The following BRWD1 variants were observed in gnomAD, a reference collection of about 807,000 sequenced individuals.
BRWD1 encodes the protein bromodomain and WD repeat domain containing 1.
BRWD1 carries 82 observed loss-of-function variants against 251.2 expected under a neutral mutation model. The ratio of observed to expected loss-of-function variants is 0.33; its 90% confidence interval spans 0.27 to 0.39. The LOEUF (loss-of-function observed/expected upper bound fraction) is 0.39, where lower values mean the gene tolerates loss of function less well. BRWD1 is among the 10% of genes least tolerant of loss of function. The probability of loss-of-function intolerance (pLI) is 1.00; values close to 1 mark genes in which losing one functional copy is unlikely to be tolerated. For missense variants in BRWD1, 2,233 were observed against 2,711.6 expected (o/e 0.82, Z 3.92); for synonymous variants, 918 against 902.8 (o/e 1.02, Z -0.30).
rs951501394 is a variant in BRWD1 at position 39,193,324 on chromosome 21, G to C, written c.*2935C>G. 1.0e-6 allele frequency: 1 copy of C among 985,108 alleles called. No individual in the cohort carries two copies. The highest frequency in any genetic ancestry group is 1.7e-5 in the African/African-American group (1 of 57,326). 61.0% of individuals were successfully genotyped at this position (985,108 alleles called of 1,614,324 possible). ...ATCAGATATTTGCCACTTACAAAAA[G>C]GGAGGCTGACCTTAGGAATTATTTG... On this transcript the variant is annotated 3_prime_UTR_variant, in exon 41 of 41. Coordinates refer to ENST00000342449, the MANE Select transcript of BRWD1 (RefSeq NM_033656.4).
chr21:39,230,184 T>C (rs751269160), intron 25 of BRWD1, among the ~76,000 whole-genome samples: 5 of 152,244 alleles, frequency 3.3e-5, no homozygotes, highest in African/African-American at 1.2e-4. Context: ...ATCTACCATA[T>C]GCTATGACCT....
At chr21:39,286,749 C>A (rs1335027569) in intron 8 of BRWD1, among the ~76,000 whole-genome samples, 1 of 151,916 alleles carries the variant, frequency 6.6e-6, no homozygotes, top group African/African-American at 2.4e-5. Context: ...CTCCTGACCT[C>A]GTGATCCGCC....
intron 15 of BRWD1, among the ~76,000 whole-genome samples, chr21:39,265,794 T>C (rs1046796146): frequency 6.6e-6 from 1 of 152,208 alleles, no homozygotes; most frequent in African/African-American, 2.4e-5. Context: ...CATGCAAAAT[T>C]TGGCAATGCT....
chr21:39,241,847 T>A (rs552566807), intron 21 of BRWD1, among the ~76,000 whole-genome samples: 1 of 152,346 alleles, frequency 6.6e-6, no homozygotes, highest in Admixed American at 6.5e-5. Context: ...TCAAACTTTT[T>A]CATTTTTATT....
intron 4 of BRWD1, 63 bp downstream of exon 4, chr21:39,312,778 G>C: frequency 1.4e-6 from 2 of 1,406,784 alleles, no homozygotes; most frequent in Admixed American, 2.0e-5. Context: ...CCCGCGAGGG[G>C]AAGGGGCGGG....
rs1309723150 is a variant in BRWD1 at position 39,292,140 on chromosome 21, G to GGGT, written c.831+1670_831+1671insACC. On this transcript the variant is annotated intron_variant, in intron 8 of 40. Coordinates refer to ENST00000342449, the MANE Select transcript of BRWD1 (RefSeq NM_033656.4). Reference sequence around the variant, plus strand: ...TGGGGGGTGGGTGGGGGTGGGGGGGGGGGTCTCACTAAGTTGCCCAGGCCG... The same window carrying GGGT: ...TGGGGGGTGGGTGGGGGTGGGGGGGGGGTGGGTCTCACTAAGTTGCCCAGGCCG... Among the ~76,000 whole-genome samples, 319 of 93,246 alleles carry GGGT rather than the reference G, an allele frequency of 3.4e-3. 9 individuals carry two copies. Among genetic ancestry groups the GGGT allele is most frequent in the Middle Eastern group, 6.0e-3 (1 of 166 alleles). The allele number at this position is 93,246 out of a possible 152,430, so 61.2% of individuals were successfully genotyped here. A position where few individuals can be genotyped will look rare whatever the true frequency, so the allele number is the denominator to read the frequency against.
rs1304610050 is a variant in BRWD1 at position 39,215,370 on chromosome 21, ATAAAGTAGACAATTTAGGGCT to A, written c.3660-29_3660-9del. The A allele has an allele frequency of 1.4e-5, 22 of 1,611,542 alleles. No homozygotes were observed. Among genetic ancestry groups the A allele is most frequent in the Non-Finnish European group, 2.5e-6 (3 of 1,178,776 alleles). On this transcript the variant is annotated splice_polypyrimidine_tract_variant and intron_variant, in intron 31 of 40. Transcript: ENST00000342449. The stretch of plus-strand genomic sequence containing the variant: ...ACTAACGCAGACAGCCTCCTTCAAA[ATAAAGTAGACAATTTAGGGCT>A]TAGAAAATGAGAAGATAGAAACCAA...
At chr21:39,278,516 T>C (rs2035349367) in intron 10 of BRWD1, 1 of 474,122 alleles carries the variant, frequency 2.1e-6, no homozygotes, top group Non-Finnish European at 3.8e-6. Context: ...AGCCTCCCTT[T>C]TACCAGCCAT....
At chr21:39,217,058 TA>T (rs2032960813) in intron 31 of BRWD1, 2 of 14,882 alleles carry the variant, frequency 1.3e-4, no homozygotes, top group Non-Finnish European at 2.9e-4. Context: ...TATTTATATA[TA>T]TATATATATA....
intron 13 of BRWD1, among the ~76,000 whole-genome samples, chr21:39,272,156 C>T (rs928070252): frequency 1.5e-4 from 23 of 151,222 alleles, no homozygotes; most frequent in African/African-American, 5.1e-4. Flanking sequence ...AAATGGAGGC[C>T]GGGCGCGGTG....
chr21:39,239,655 T>C (rs565901527), intron 21 of BRWD1, among the ~76,000 whole-genome samples: 2 of 152,346 alleles, frequency 1.3e-5, no homozygotes, highest in Admixed American at 6.5e-5. Context: ...CTGGATCTTC[T>C]TCCTCTCTAT....
intron 8 of BRWD1, among the ~76,000 whole-genome samples, chr21:39,287,827 T>A (rs1264744655): frequency 1.3e-5 from 2 of 152,232 alleles, no homozygotes; most frequent in Non-Finnish European, 2.9e-5. Flanking sequence ...GATCACTGAA[T>A]TTCAGCTTCT....
At chr21:39,308,481 CAAAAA>C (rs35833623) in intron 4 of BRWD1, among the ~76,000 whole-genome samples, 5 of 107,434 alleles carry the variant, frequency 4.7e-5, no homozygotes, top group Non-Finnish European at 7.6e-5. Context: ...CACCTTGTCT[CAAAAA>C]AAAAAAAAAA....
chr21:39,233,360 A>G lies in BRWD1; in HGVS notation c.2767-862T>C, dbSNP rs1245204388. 3.9e-5 allele frequency among the ~76,000 whole-genome samples: 6 copies of G among 152,290 alleles called. No individual in the cohort carries two copies. In the South Asian group the frequency reaches 1.0e-3, roughly 26 times the overall value. Reference sequence around the variant, plus strand: ...CAACGTTTGCCATGTAAACACCTAAATTTTAGGGTGGTTTGTTATATACAG... The same window carrying G: ...CAACGTTTGCCATGTAAACACCTAAGTTTTAGGGTGGTTTGTTATATACAG... On this transcript the variant is annotated intron_variant, in intron 23 of 40. Transcript: ENST00000342449.
chr21:39,237,133 CA>C (rs2033838624), intron 22 of BRWD1, among the ~76,000 whole-genome samples: 1 of 152,064 alleles, frequency 6.6e-6, no homozygotes, highest in Non-Finnish European at 1.5e-5. Flanking sequence ...AAGAATCATA[CA>C]AAACCCCAAA....
chr21:39,236,138 A>C (rs1462080495), intron 23 of BRWD1: 1 of 156,642 alleles, frequency 6.4e-6, no homozygotes, highest in Middle Eastern at 3.2e-3. Flanking sequence ...CCATCTCCTC[A>C]AGACTGAAGT....
rs1186967044 is a variant in BRWD1, at chr21:39,206,182, T to G, written c.4290A>C (p.Glu1430Asp). The G allele has an allele frequency of 1.2e-6, 2 of 1,613,754 alleles. No individual in the cohort carries two copies. The highest frequency in any genetic ancestry group is 2.2e-5 in the East Asian group (1 of 44,874). Residue 1430 changes from glutamate to aspartate, a missense_variant, in exon 37 of 41, where the codon GAA becomes GAC. By Grantham distance (45) the Glu-to-Asp change is conservative. This residue lies in a region of BRWD1 where 928 missense variants were observed against 970.0 expected (regional missense o/e 0.96). Coordinates refer to ENST00000342449, the MANE Select transcript of BRWD1 (RefSeq NM_033656.4). ...TGAACCTCTGGCTTCTTCGAAGTTT[T>G]TCATTGAATTTTTGACCAATTTTAA... ...SDFKIGQKFN[E>D]KLRRSQRFKQ... is the part of the protein sequence containing the mutation.
chr21:39,277,180 C>T (rs887317303), intron 11 of BRWD1, 71 bp downstream of exon 11: 2 of 1,041,758 alleles, frequency 1.9e-6, no homozygotes, highest in African/African-American at 3.3e-5. Flanking sequence ...GAGCCAATAA[C>T]AATGCCCCTT....
rs534789843 is a variant in BRWD1, at chr21:39,220,805, T to C, written c.3383-2145A>G. Among the ~76,000 whole-genome samples, 83 of 152,168 alleles carry C rather than the reference T, an allele frequency of 5.5e-4. 2 individuals carry two copies. The highest frequency in any genetic ancestry group is 1.6e-3 in the African/African-American group (67 of 41,544). Reference sequence around the variant, plus strand: ...CAGTAAGGTGAATACTATAAACACATTGGCTGGTGATACATAAGATATTCC... The same window carrying C: ...CAGTAAGGTGAATACTATAAACACACTGGCTGGTGATACATAAGATATTCC... On this transcript the variant is annotated intron_variant, in intron 29 of 40. Coordinates refer to ENST00000342449, the MANE Select transcript of BRWD1 (RefSeq NM_033656.4).
Sources: allele counts gnomAD v4.1 joint callset (sites outside exome capture counted in the v4.1 genomes callset), GRCh38; gene constraint gnomAD v4.1.1; regional missense constraint gnomAD v4.1.1; transcripts MANE v1.5; gene names NCBI Gene and HGNC (gene_info 2026-07-23, HGNC 2026-07-21).